The following HPGD variants were observed in gnomAD, a reference collection of about 807,000 sequenced individuals.
HPGD encodes the protein 15-hydroxyprostaglandin dehydrogenase, also known as 15-hydroxyprostaglandin dehydrogenase [NAD(+)].
A neutral mutation model predicts 30.0 loss-of-function variants in HPGD; 29 were observed. That is an observed-to-expected ratio of 0.97 (90% CI 0.72 to 1.32). HPGD has a LOEUF of 1.32. HPGD is among the 40% of genes most tolerant of loss of function. HPGD has a pLI of 0.00. For missense variants in HPGD, 340 were observed against 322.1 expected (o/e 1.06, Z -0.43); for synonymous variants, 99 against 112.4 (o/e 0.88, Z 0.75).
At chr4:174,508,062 C>T (rs3846298) in intron 4 of HPGD, 492,961 of 691,674 alleles carry the variant, frequency 0.71, 177,829 homozygotes, top group East Asian at 0.85. Flanking sequence ...CCATGTTCTT[C>T]TTCTCTTTCT....
intron 2 of HPGD, among the ~76,000 whole-genome samples, chr4:174,518,679 T>C (rs2110874719): frequency 6.6e-6 from 1 of 152,362 alleles, no homozygotes; most frequent in Admixed American, 6.5e-5. Context: ...TGTTTACTAT[T>C]TCCTTCTTCT....
Position 174,495,626 on chromosome 4 carries a change from T to A in HPGD, c.422-2A>T. 6.2e-7 allele frequency: 1 copy of A among 1,608,608 alleles called. No homozygotes were observed. ...GCTGCTGTGCAACGGGCATGAGTCCTGAAACAGACAAATATAACATTTAAA... is the reference window on the plus strand; with the variant it reads ...GCTGCTGTGCAACGGGCATGAGTCCAGAAACAGACAAATATAACATTTAAA... On this transcript the variant is annotated splice_acceptor_variant, in intron 4 of 6. Transcript: ENST00000296522. LOFTEE classifies it high-confidence loss of function.
intron 4 of HPGD, among the ~76,000 whole-genome samples, chr4:174,502,932 G>A (rs1206854317): frequency 1.3e-5 from 2 of 152,034 alleles, no homozygotes; most frequent in Non-Finnish European, 2.9e-5. Context: ...TATCACCTGG[G>A]AGCACAATTT....
At chr4:174,517,915 A>T in intron 3 of HPGD, 56 bp downstream of exon 3, 1 of 936,134 alleles carries the variant, frequency 1.1e-6, no homozygotes, top group Admixed American at 2.0e-5. Flanking sequence ...TTTTTTCTTT[A>T]CAAACATCAT....
chr4:174,491,943 A>T lies in HPGD; in HGVS notation c.*13T>A, dbSNP rs1190061490. ...TTGTGCTTATTTTCAGCTATGGCTA[A>T]CACATAAGCTGTTCATTGGGTTTTT... On this transcript the variant is annotated 3_prime_UTR_variant, in exon 7 of 7. Transcript: ENST00000296522. 6.2e-7 allele frequency: 1 copy of T among 1,606,530 alleles called. No individual in the cohort carries two copies. Among genetic ancestry groups the T allele is most frequent in the Non-Finnish European group, 8.5e-7 (1 of 1,173,686 alleles).
At chr4:174,510,488 A>G (rs776115411) in intron 3 of HPGD, among the ~76,000 whole-genome samples, 16 of 152,254 alleles carry the variant, frequency 1.1e-4, no homozygotes, top group Non-Finnish European at 1.9e-4. Flanking sequence ...ATTCTCAGGT[A>G]TTACAGCTTT....
At chr4:174,511,160 A>G (rs1228615948) in intron 3 of HPGD, among the ~76,000 whole-genome samples, 1 of 152,136 alleles carries the variant, frequency 6.6e-6, no homozygotes, top group Admixed American at 6.5e-5. Flanking sequence ...AATTTTGACT[A>G]ATCCCAAAGA....
chr4:174,512,200 C>T (rs1427128625), intron 3 of HPGD, among the ~76,000 whole-genome samples: 1 of 152,136 alleles, frequency 6.6e-6, no homozygotes. Flanking sequence ...GAAGTGAATA[C>T]TCTCATGTAT....
At position 174,497,580 on chromosome 4, in the gene HPGD, T is replaced by C. The variant is rs1349915611; in HGVS notation, c.422-1956A>G. ...TTTCTTTTTCTTTCTTTTTTTTTTT[T>C]TTTTTTTTTTTTTTTTGAGACAGAG... On this transcript the variant is annotated intron_variant, in intron 4 of 6. Transcript: ENST00000296522. 3.7e-4 allele frequency among the ~76,000 whole-genome samples: 41 copies of C among 112,140 alleles called. 2 individuals are homozygous for C. The highest frequency in any genetic ancestry group is 9.3e-4 in the Admixed American group (10 of 10,730). The allele number at this position is 112,140 out of a possible 152,430, so 73.6% of individuals were successfully genotyped here. A position where few individuals can be genotyped will look rare whatever the true frequency, so the allele number is the denominator to read the frequency against.
intron 4 of HPGD, 35 bp downstream of exon 4, chr4:174,508,661 G>C (rs1167252936): frequency 8.4e-7 from 1 of 1,187,936 alleles, no homozygotes; most frequent in South Asian, 1.2e-5. Context: ...TTACCAGTAA[G>C]AAAATGTTAC....
chr4:174,501,980 A>G (rs1734923791), intron 4 of HPGD, among the ~76,000 whole-genome samples: 1 of 152,222 alleles, frequency 6.6e-6, no homozygotes, highest in Non-Finnish European at 1.5e-5. Context: ...TTTTAAGGAG[A>G]GAGAAACCAT....
At chr4:174,508,313 A>G in intron 4 of HPGD, 2 of 562,910 alleles carry the variant, frequency 3.6e-6, no homozygotes, top group Non-Finnish European at 6.3e-6. Context: ...AAAATTACAC[A>G]CTGTTACTAA....
At chr4:174,505,818 G>A (rs1002283388) in intron 4 of HPGD, among the ~76,000 whole-genome samples, 1 of 152,110 alleles carries the variant, frequency 6.6e-6, no homozygotes, top group African/African-American at 2.4e-5. Flanking sequence ...GGAGAGAGTA[G>A]TAAGCCAAGC....
At position 174,493,230 on chromosome 4, in the gene HPGD, C is replaced by G. The variant is rs1443842987; in HGVS notation, c.583G>C (p.Glu195Gln). The change falls in exon 6 of 7, where the codon GAA (glutamate) becomes CAA (glutamine). Residue 195 changes from glutamate (E) to glutamine (Q), a missense_variant. Transcript: ENST00000296522. ...FVNTAILESIEKEENMGQYIE... is the reference protein window; with the variant it reads ...FVNTAILESIQKEENMGQYIE... ...TATTGTCCCATGTTTTCTTCTTTTT[C>G]AATTGATTCAAGGATGGCTGTGTTA... is the stretch of plus-strand genomic sequence containing the variant. The G allele has an allele frequency of 6.2e-7, 1 of 1,612,074 alleles. No homozygotes were observed. Among genetic ancestry groups the G allele is most frequent in the South Asian group, 1.1e-5 (1 of 91,032 alleles).
At chr4:174,516,988 A>T (rs1735812414) in intron 3 of HPGD, among the ~76,000 whole-genome samples, 1 of 152,186 alleles carries the variant, frequency 6.6e-6, no homozygotes, top group Non-Finnish European at 1.5e-5. Context: ...ATGAAGTAGG[A>T]GGTCACTCCC....
At chr4:174,508,551 G>A (rs1485425105) in intron 4 of HPGD, 145 bp downstream of exon 4, 2 of 643,474 alleles carry the variant, frequency 3.1e-6, no homozygotes, top group East Asian at 5.4e-5. Flanking sequence ...TTGATATTTT[G>A]CAATAGAAAA....
At chr4:174,513,883 A>C in intron 3 of HPGD, among the ~76,000 whole-genome samples, 1 of 152,156 alleles carries the variant, frequency 6.6e-6, no homozygotes, top group South Asian at 2.1e-4. Flanking sequence ...ATCATTAGCA[A>C]CTTATGCTCT....
intron 2 of HPGD, among the ~76,000 whole-genome samples, chr4:174,518,311 G>A (rs960548672): frequency 1.3e-5 from 2 of 152,136 alleles, no homozygotes; most frequent in Non-Finnish European, 2.9e-5. Context: ...CAGACTAACT[G>A]AATAAGAATC....
upstream of HPGD, chr4:174,522,492 G>A: frequency 1.4e-6 from 2 of 1,471,470 alleles, no homozygotes; most frequent in Non-Finnish European, 1.8e-6. Context: ...CGAGCTCCGC[G>A]TCTCCGCGCG....
Sources: gnomAD v4.1 joint callset for allele counts (sites outside exome capture counted in the v4.1 genomes callset) on GRCh38, gnomAD v4.1.1 for gene constraint, MANE v1.5 for transcripts, NCBI Gene and HGNC (gene_info 2026-07-23, HGNC 2026-07-21) for gene names.